Variants in FAM135B observed in about 807,000 individuals in gnomAD.
The protein encoded by FAM135B is family with sequence similarity 135 member B.
FAM135B carries 43 observed loss-of-function variants against 127.7 expected under a neutral mutation model. The observed-to-expected ratio is 0.34, with a 90% CI of 0.26 to 0.43. The LOEUF is 0.43. Ranked by LOEUF, FAM135B falls within the 20% of genes least tolerant of loss-of-function variation. The probability of loss-of-function intolerance (pLI) is 1.00; values close to 1 mark genes in which losing one functional copy is unlikely to be tolerated. For synonymous variants in FAM135B, 670 were observed against 665.1 expected (o/e 1.01, Z -0.11); for missense variants, 1,558 against 1,725.6 (o/e 0.90, Z 1.72).
intron 3 of FAM135B, among the ~76,000 whole-genome samples, chr8:138,284,095 TA>T (rs1298229111): frequency 1.3e-5 from 2 of 151,996 alleles, no homozygotes; most frequent in East Asian, 1.9e-4. Context: ...TAAAATCTGT[TA>T]AAAAAAACTT....
intron 4 of FAM135B, among the ~76,000 whole-genome samples, chr8:138,260,909 G>C (rs1822491650): frequency 6.6e-6 from 1 of 152,076 alleles, no homozygotes; most frequent in Non-Finnish European, 1.5e-5. Context: ...CGGAGTCTCT[G>C]TGGCTCTCCG....
chr8:138,464,693 C>T (rs1380279299), intron 1 of FAM135B, among the ~76,000 whole-genome samples: 1 of 152,174 alleles, frequency 6.6e-6, no homozygotes, highest in Non-Finnish European at 1.5e-5. Context: ...AACAGAGATC[C>T]TTGCGGCTGG....
intron 1 of FAM135B, among the ~76,000 whole-genome samples, chr8:138,391,595 G>C (rs1832582017): frequency 6.6e-6 from 1 of 152,166 alleles, no homozygotes; most frequent in African/African-American, 2.4e-5. Context: ...TCTGAAAGGA[G>C]CAGGCTAGCT....
At chr8:138,441,731 T>G (rs1007101911) in intron 1 of FAM135B, 2 of 152,116 alleles carry the variant, frequency 1.3e-5, no homozygotes, top group African/African-American at 4.8e-5. Flanking sequence ...CTGCTTTTTT[T>G]TTTTCCTTAG....
chr8:138,392,819 A>C (rs1186598569), intron 1 of FAM135B, among the ~76,000 whole-genome samples: 1 of 152,150 alleles, frequency 6.6e-6, no homozygotes, highest in Non-Finnish European at 1.5e-5. Context: ...CAGTCTCTCT[A>C]TCCCTGTACT....
intron 1 of FAM135B, among the ~76,000 whole-genome samples, chr8:138,413,722 T>A (rs1833989313): frequency 6.6e-6 from 1 of 151,724 alleles, no homozygotes; most frequent in Non-Finnish European, 1.5e-5. Context: ...AAAGTTAGGG[T>A]GACTGGAATA....
intron 1 of FAM135B, among the ~76,000 whole-genome samples, chr8:138,390,249 T>C (rs1319132472): frequency 6.6e-6 from 1 of 152,142 alleles, no homozygotes; most frequent in Non-Finnish European, 1.5e-5. Flanking sequence ...AACTCCTATG[T>C]GTTGTGGGAG....
At chr8:138,429,459 T>A (rs1259886430) in intron 1 of FAM135B, among the ~76,000 whole-genome samples, 1 of 152,148 alleles carries the variant, frequency 6.6e-6, no homozygotes, top group East Asian at 1.9e-4. Context: ...TGTGACGAAC[T>A]CTATTTTAAC....
At chr8:138,301,117 G>A (rs2130844621) in intron 3 of FAM135B, among the ~76,000 whole-genome samples, 1 of 150,506 alleles carries the variant, frequency 6.6e-6, no homozygotes, top group African/African-American at 2.4e-5. Context: ...CTTAGCAAAT[G>A]CCCATGGGAT....
intron 1 of FAM135B, among the ~76,000 whole-genome samples, chr8:138,371,535 G>C (rs779538087): frequency 3.3e-5 from 5 of 152,122 alleles, no homozygotes; most frequent in Non-Finnish European, 7.3e-5. Flanking sequence ...AGAATGTATC[G>C]TGATGAGTGC....
At chr8:138,212,894 A>T (rs1818250353) in intron 7 of FAM135B, among the ~76,000 whole-genome samples, 1 of 152,220 alleles carries the variant, frequency 6.6e-6, no homozygotes, top group African/African-American at 2.4e-5. Context: ...CACCTTTCTG[A>T]TGAATGTCTT....
At chr8:138,181,082 TAA>T (rs58164495) in intron 9 of FAM135B, among the ~76,000 whole-genome samples, 1 of 145,666 alleles carries the variant, frequency 6.9e-6, no homozygotes, top group Non-Finnish European at 1.5e-5. Flanking sequence ...CTACTAAAAA[TAA>T]AAAAAAAATA....
At chr8:138,377,058 A>G (rs1443929414) in intron 1 of FAM135B, among the ~76,000 whole-genome samples, 2 of 152,250 alleles carry the variant, frequency 1.3e-5, no homozygotes, top group African/African-American at 4.8e-5. Flanking sequence ...AAGAAATATC[A>G]TAATTCCAAT....
In FAM135B at chr8:138,464,185, C is replaced by A. The variant is rs1166698317; in HGVS notation, c.-20+32486G>T. 2.6e-5 allele frequency among the ~76,000 whole-genome samples: 4 copies of A among 152,148 alleles called. No individual in the cohort carries two copies. In the East Asian group the frequency reaches 7.7e-4, roughly 29 times the overall value. ...AGACCTTAAGAAGGTTGCAGCCTAT[C>A]ATGGTGGATGGGGAGATGGCTGAGA... On this transcript the variant is annotated intron_variant, in intron 1 of 19. Coordinates refer to ENST00000395297, the MANE Select transcript of FAM135B (RefSeq NM_015912.4).
intron 3 of FAM135B, among the ~76,000 whole-genome samples, chr8:138,268,221 C>T (rs1027610313): frequency 9.2e-5 from 14 of 152,172 alleles, no homozygotes; most frequent in South Asian, 4.2e-4. Flanking sequence ...AGACCAGGCA[C>T]GCTCTGGGCA....
intron 12 of FAM135B, among the ~76,000 whole-genome samples, chr8:138,155,079 A>G (rs1818586011): frequency 6.6e-6 from 1 of 152,236 alleles, no homozygotes; most frequent in African/African-American, 2.4e-5. Flanking sequence ...GAAGCCCATC[A>G]GACTAACAGT....
intron 19 of FAM135B, among the ~76,000 whole-genome samples, chr8:138,134,721 A>C (rs1474473359): frequency 6.6e-6 from 1 of 152,188 alleles, no homozygotes; most frequent in East Asian, 1.9e-4. Context: ...TATAAACTAA[A>C]CTTCATATCA....
chr8:138,406,520 G>A (rs1833504074), intron 1 of FAM135B, among the ~76,000 whole-genome samples: 1 of 151,692 alleles, frequency 6.6e-6, no homozygotes, highest in Admixed American at 6.6e-5. Flanking sequence ...ATAAAATACT[G>A]GCAAACAGAA....
intron 2 of FAM135B, among the ~76,000 whole-genome samples, chr8:138,340,439 C>G (rs988025987): frequency 1.3e-5 from 2 of 152,138 alleles, no homozygotes; most frequent in Admixed American, 1.3e-4. Flanking sequence ...TTACCCACAT[C>G]CTTATGTCCA....
Sources: allele counts gnomAD v4.1 joint callset (sites outside exome capture counted in the v4.1 genomes callset), GRCh38; gene constraint gnomAD v4.1.1; transcripts MANE v1.5; gene names NCBI Gene and HGNC (gene_info 2026-07-23, HGNC 2026-07-21).